ADGRD1: variants seen among roughly 807,000 people sequenced by gnomAD.
ADGRD1 encodes G-protein coupled receptor 133.
Under a neutral mutation model 113.4 loss-of-function variants are expected in ADGRD1, and 77 were observed. The ratio of observed to expected loss-of-function variants is 0.68; its 90% CI spans 0.57 to 0.82. The LOEUF is 0.82. ADGRD1 is among the 40% of genes least tolerant of loss of function. ADGRD1 has a pLI of 0.00. For synonymous variants in ADGRD1, 474 were observed against 475.0 expected (o/e 1.00, Z 0.03); for missense variants, 1,036 against 1,139.1 (o/e 0.91, Z 1.30).
rs1183048847 is a variant in ADGRD1 at position 131,022,162 on chromosome 12, CA to C, written c.1473+7824del. Among the ~76,000 whole-genome samples the C allele has an allele frequency of 2.0e-5, 3 of 151,864 alleles. No individual in the cohort carries two copies. Among genetic ancestry groups the C allele is most frequent in the Non-Finnish European group, 4.4e-5 (3 of 67,970 alleles). The stretch of plus-strand genomic sequence containing the variant: ...TTCAACAGGTGACTTTAGTGGGGAG[CA>C]ATTCGGCTCCAGCATAGCAAATATG... On this transcript the variant is annotated intron_variant, in intron 13 of 24. Transcript: ENST00000261654. The surrounding 1 kb of genome is among the most constrained non-coding windows in gnomAD (Gnocchi z 4.6).
chr12:131,084,654 C>T lies in ADGRD1; in HGVS notation c.1662C>T (p.Val554=). ...LTNFAILMQV[V]PLELARGHQV... is the part of the protein sequence containing the mutation. Reference sequence around the variant, plus strand: ...ACTTTGCCATCCTCATGCAGGTGGTCCCGCTGGAGGTAAGAGCCAGGCCTC... The same window carrying T: ...ACTTTGCCATCCTCATGCAGGTGGTTCCGCTGGAGGTAAGAGCCAGGCCTC... Residue 554 remains valine, a synonymous_variant, in exon 15 of 25, where the codon GTC becomes GTT. Coordinates refer to ENST00000261654, the MANE Select transcript of ADGRD1 (RefSeq NM_198827.5). The surrounding 1 kb of genome is among the most constrained non-coding windows in gnomAD (Gnocchi z 4.5). 1 of 1,613,956 alleles carries T rather than the reference C, an allele frequency of 6.2e-7. No individual in the cohort carries two copies. The highest frequency in any genetic ancestry group is 8.5e-7 in the Non-Finnish European group (1 of 1,179,888).
intron 15 of ADGRD1, among the ~76,000 whole-genome samples, chr12:131,086,111 G>A (rs555164147): frequency 6.6e-6 from 1 of 152,254 alleles, no homozygotes; most frequent in East Asian, 1.9e-4. Context: ...TGCCTCTGTG[G>A]TCACATTTAT....
chr12:130,972,323 C>T (rs1263708041), intron 4 of ADGRD1, among the ~76,000 whole-genome samples: 1 of 152,126 alleles, frequency 6.6e-6, no homozygotes, highest in Non-Finnish European at 1.5e-5. Flanking sequence ...TAGGGAGGAA[C>T]AAAGCTTAAT....
At position 131,121,812 on chromosome 12, in the gene ADGRD1, A is replaced by G. The variant is rs186650133; in HGVS notation, c.2175+899A>G. ...TCCCTCATCTTCTCTGCCTCCCCGG[A>G]TGGAAACGGAGGCTTTTTCCCAGCA... On this transcript the variant is annotated intron_variant, in intron 20 of 24. Coordinates refer to ENST00000261654, the MANE Select transcript of ADGRD1 (RefSeq NM_198827.5). 2.6e-3 allele frequency: 398 copies of G among 152,288 alleles called. 1 individual carries two copies. The highest frequency in any genetic ancestry group is 4.0e-3 in the Non-Finnish European group (274 of 68,192). 9.4% of individuals were successfully genotyped at this position (152,288 alleles called of 1,614,324 possible).
intron 3 of ADGRD1, chr12:130,969,464 T>G (rs1871367123): frequency 5.1e-6 from 1 of 196,506 alleles, no homozygotes; most frequent in African/African-American, 2.4e-5. Flanking sequence ...TAAATTCTCT[T>G]GGGAGCACAA....
intron 13 of ADGRD1, among the ~76,000 whole-genome samples, chr12:131,048,601 C>T (rs531300742): frequency 2.0e-5 from 3 of 152,322 alleles, no homozygotes; most frequent in South Asian, 4.1e-4. Context: ...CAGCCAGGCA[C>T]CCTCCCAGCT....
At chr12:131,038,384 C>T (rs1427912024) in intron 13 of ADGRD1, among the ~76,000 whole-genome samples, 2 of 152,216 alleles carry the variant, frequency 1.3e-5, no homozygotes, top group African/African-American at 2.4e-5. Flanking sequence ...GCCTGCCTGC[C>T]ACCTCCGGGT....
At chr12:130,992,118 C>T in intron 7 of ADGRD1, 119 bp from the exon 8 acceptor site, 2 of 508,636 alleles carry the variant, frequency 3.9e-6, no homozygotes, top group South Asian at 4.4e-5. Context: ...AAGACTCAGT[C>T]TCAAAAAAAA....
At chr12:131,136,237 G>A (rs1484225466) in intron 22 of ADGRD1, 74 bp downstream of exon 22, 16 of 1,569,782 alleles carry the variant, frequency 1.0e-5, no homozygotes. Flanking sequence ...AGCTAGGGCT[G>A]CAGGGGCAGG....
chr12:131,052,835 G>A (rs897238240), intron 13 of ADGRD1, among the ~76,000 whole-genome samples: 1 of 152,154 alleles, frequency 6.6e-6, no homozygotes, highest in Non-Finnish European at 1.5e-5. Context: ...GCTCTGGAGG[G>A]GTGAGGACCC....
At chr12:131,086,081 T>C (rs1886444204) in intron 15 of ADGRD1, among the ~76,000 whole-genome samples, 1 of 152,140 alleles carries the variant, frequency 6.6e-6, no homozygotes, top group Non-Finnish European at 1.5e-5. Flanking sequence ...TGAACACCCG[T>C]CCCTGCCTGG....
intron 21 of ADGRD1, 110 bp from the exon 22 acceptor site, chr12:131,135,927 C>A: frequency 1.7e-6 from 2 of 1,202,998 alleles, no homozygotes; most frequent in East Asian, 2.5e-5. Context: ...GTCTTGCTCC[C>A]GGCAGGGCGG....
chr12:130,954,300 A>G lies in ADGRD1; in HGVS notation c.-166A>G. The G allele has an allele frequency of 1.8e-6, 1 of 563,906 alleles. No homozygotes were observed. The highest frequency in any genetic ancestry group is 3.1e-6 in the Non-Finnish European group (1 of 323,004). The allele number at this position is 563,906 out of a possible 1,614,324, so 34.9% of individuals were successfully genotyped here. ...TTGAGACGAGGAAGAAACACCCATTAGGTCTCCAAGACAGCTGTGTTTCAC... is the reference window on the plus strand; with the variant it reads ...TTGAGACGAGGAAGAAACACCCATTGGGTCTCCAAGACAGCTGTGTTTCAC... On this transcript the variant is annotated 5_prime_UTR_variant, in exon 1 of 25. Transcript: ENST00000261654. The surrounding 1 kb of genome is among the most constrained non-coding windows in gnomAD (Gnocchi z 4.7).
intron 15 of ADGRD1, among the ~76,000 whole-genome samples, 196 bp from the exon 16 acceptor site, chr12:131,104,635 G>A (rs760467796): frequency 9.9e-5 from 15 of 152,104 alleles, no homozygotes; most frequent in Non-Finnish European, 1.9e-4. Flanking sequence ...GGACATGCAC[G>A]CACAGAACCA....
chr12:130,985,189 A>G (rs10848262), intron 5 of ADGRD1, among the ~76,000 whole-genome samples: 45,521 of 151,358 alleles, frequency 0.3, 8,463 homozygotes, highest in Admixed American at 0.41. Context: ...CTCCCATCTC[A>G]GCCTCCCAAA....
At chr12:131,110,986 G>C (rs529803919) in intron 18 of ADGRD1, among the ~76,000 whole-genome samples, 1 of 152,054 alleles carries the variant, frequency 6.6e-6, no homozygotes, top group Non-Finnish European at 1.5e-5. Context: ...TAATCTTACT[G>C]GGGTCCCTTG....
chr12:130,969,925 G>A (rs549948647), intron 3 of ADGRD1: 1 of 152,254 alleles, frequency 6.6e-6, no homozygotes, highest in Admixed American at 6.5e-5. Context: ...ATTTTTAAAT[G>A]AATTGTCTTC....
In ADGRD1 at chr12:131,139,304, C is replaced by A; in HGVS notation, c.*41C>A. 7.3e-7 allele frequency: 1 copy of A among 1,366,706 alleles called. No individual in the cohort carries two copies. The highest frequency in any genetic ancestry group is 1.0e-6 in the Non-Finnish European group (1 of 977,568). The allele number at this position is 1,366,706 out of a possible 1,614,324, so 84.7% of individuals were successfully genotyped here. ...ACCAGGCCAGGCTGCGCTCAGAACA[C>A]ACCCCCCCAAACAGAATGAAATGCC... is the stretch of plus-strand genomic sequence containing the variant. On this transcript the variant is annotated 3_prime_UTR_variant, in exon 25 of 25. Transcript: ENST00000261654.
At chr12:130,972,302 G>A (rs78381204) in intron 4 of ADGRD1, among the ~76,000 whole-genome samples, 1 of 152,270 alleles carries the variant, frequency 6.6e-6, no homozygotes, top group East Asian at 1.9e-4. Flanking sequence ...CAAAATGAAA[G>A]TTATGATTTC....
Sources: allele counts gnomAD v4.1 joint callset (sites outside exome capture counted in the v4.1 genomes callset), GRCh38; gene constraint gnomAD v4.1.1; non-coding constraint Gnocchi (gnomAD v3.1); transcripts MANE v1.5; gene names NCBI Gene and HGNC (gene_info 2026-07-23, HGNC 2026-07-21).